The following DPF3 variants were observed in gnomAD, a reference collection of about 807,000 sequenced individuals.
The protein encoded by DPF3 is double PHD fingers 3, also known as zinc finger protein DPF3.
DPF3 carries 18 observed loss-of-function variants against 56.8 expected under a neutral mutation model. That is an observed-to-expected ratio of 0.32 (90% confidence interval 0.22 to 0.47). The LOEUF (loss-of-function observed/expected upper bound fraction) is 0.47, where lower values mean the gene tolerates loss of function less well. DPF3 is among the 20% of genes least tolerant of loss of function. The probability of loss-of-function intolerance (pLI) is 1.00; values close to 1 mark genes in which losing one functional copy is unlikely to be tolerated. For missense variants in DPF3, 403 were observed against 488.8 expected (o/e 0.82, Z 1.65); for synonymous variants, 188 against 180.2 (o/e 1.04, Z -0.35).
chr14:72,839,516 C>T (rs1388349367), intron 1 of DPF3, among the ~76,000 whole-genome samples: 1 of 152,162 alleles, frequency 6.6e-6, no homozygotes, highest in Non-Finnish European at 1.5e-5. Context: ...GACCTAAGCA[C>T]TGACTCCCCG....
intron 1 of DPF3, among the ~76,000 whole-genome samples, chr14:72,795,682 G>C (rs1042994150): frequency 1.3e-5 from 2 of 152,110 alleles, no homozygotes; most frequent in South Asian, 4.1e-4. Flanking sequence ...GGAATCAGAG[G>C]GGCTGTTTGG....
intron 1 of DPF3, among the ~76,000 whole-genome samples, chr14:72,783,851 C>T (rs1250928644): frequency 1.3e-5 from 2 of 152,164 alleles, no homozygotes; most frequent in African/African-American, 4.8e-5. Context: ...GATCCGTGTC[C>T]TCCTGCAGAG....
intron 2 of DPF3, among the ~76,000 whole-genome samples, chr14:72,760,306 A>T (rs1891017572): frequency 6.6e-6 from 1 of 152,180 alleles, no homozygotes; most frequent in Non-Finnish European, 1.5e-5. Context: ...CCCCATCTCG[A>T]CTAAAAATAC....
intron 5 of DPF3, among the ~76,000 whole-genome samples, chr14:72,722,841 G>C (rs1403131944): frequency 6.6e-6 from 1 of 152,108 alleles, no homozygotes; most frequent in Non-Finnish European, 1.5e-5. Context: ...CCAGTCTCTT[G>C]TTTTTATTCC....
At chr14:72,726,989 A>G (rs1371443214) in intron 4 of DPF3, among the ~76,000 whole-genome samples, 2 of 152,194 alleles carry the variant, frequency 1.3e-5, no homozygotes, top group South Asian at 2.1e-4. Context: ...ATGAAATACA[A>G]ATTCACGGCC....
chr14:72,701,556 G>A (rs1372400103), intron 6 of DPF3, among the ~76,000 whole-genome samples: 2 of 152,136 alleles, frequency 1.3e-5, no homozygotes, highest in Non-Finnish European at 2.9e-5. Context: ...GGGGTCGGGG[G>A]GAGCAGGGAG....
At chr14:72,715,285 G>C (rs1888866807) in intron 5 of DPF3, among the ~76,000 whole-genome samples, 1 of 152,202 alleles carries the variant, frequency 6.6e-6, no homozygotes, top group African/African-American at 2.4e-5. Context: ...AAGAATCAAA[G>C]AGCCCAGTCA....
intron 6 of DPF3, among the ~76,000 whole-genome samples, chr14:72,698,538 T>A (rs1289953220): frequency 1.3e-5 from 2 of 151,990 alleles, no homozygotes; most frequent in Non-Finnish European, 2.9e-5. Flanking sequence ...AATACAAAAA[T>A]TAGCCACGTG....
At chr14:72,836,157 G>C in intron 1 of DPF3, 1 of 986,094 alleles carries the variant, frequency 1.0e-6, no homozygotes. Flanking sequence ...TGATCATTGT[G>C]TTCTCAGAAG....
intron 7 of DPF3, among the ~76,000 whole-genome samples, chr14:72,685,664 C>A (rs1314280599): frequency 6.6e-6 from 1 of 152,210 alleles, no homozygotes; most frequent in Non-Finnish European, 1.5e-5. Context: ...GGATACAGCA[C>A]CTGCCTTGCA....
chr14:72,807,742 G>C (rs970270302), intron 1 of DPF3, among the ~76,000 whole-genome samples: 3 of 152,158 alleles, frequency 2.0e-5, no homozygotes, highest in Admixed American at 6.5e-5. Context: ...ACCGCCAAGA[G>C]ACAGGGTTTT....
intron 1 of DPF3, among the ~76,000 whole-genome samples, chr14:72,822,495 A>G (rs1383637961): frequency 6.6e-6 from 1 of 152,246 alleles, no homozygotes; most frequent in Non-Finnish European, 1.5e-5. Flanking sequence ...ATAAAAGGAC[A>G]CATAAATATT....
intron 8 of DPF3, among the ~76,000 whole-genome samples, chr14:72,632,609 AAGG>A (rs1238901432): frequency 6.8e-6 from 1 of 147,876 alleles, no homozygotes; most frequent in Non-Finnish European, 1.5e-5. Context: ...GGAAGGAAGA[AAGG>A]AAGGAAGGAA....
chr14:72,757,345 C>T (rs1198868155), intron 2 of DPF3, among the ~76,000 whole-genome samples: 1 of 152,108 alleles, frequency 6.6e-6, no homozygotes, highest in Non-Finnish European at 1.5e-5. Context: ...CCACTGTCGG[C>T]CAACTCTTAC....
At chr14:72,651,514 A>C (rs1284189222) in intron 8 of DPF3, among the ~76,000 whole-genome samples, 2 of 152,354 alleles carry the variant, frequency 1.3e-5, no homozygotes, top group African/African-American at 4.8e-5. Flanking sequence ...CAATGGAGGC[A>C]AGTCAGGAAG....
chr14:72,770,437 T>C (rs1891474650), intron 2 of DPF3, among the ~76,000 whole-genome samples: 1 of 152,120 alleles, frequency 6.6e-6, no homozygotes, highest in South Asian at 2.1e-4. Context: ...GGGGGAAAAA[T>C]GAATGTTGGC....
At chr14:72,725,980 T>C (rs1430209259) in intron 4 of DPF3, among the ~76,000 whole-genome samples, 1 of 152,182 alleles carries the variant, frequency 6.6e-6, no homozygotes, top group Non-Finnish European at 1.5e-5. Flanking sequence ...CTTAACCATC[T>C]AACAGAGAAG....
At chr14:72,620,938 C>T (rs1313423975) in intron 9 of DPF3, among the ~76,000 whole-genome samples, 3 of 152,146 alleles carry the variant, frequency 2.0e-5, no homozygotes, top group Admixed American at 6.5e-5. Flanking sequence ...GTCTGGAGTT[C>T]GAGACCAGCT....
intron 6 of DPF3, among the ~76,000 whole-genome samples, chr14:72,712,559 C>T (rs1457999056): frequency 6.6e-6 from 1 of 152,080 alleles, no homozygotes; most frequent in Non-Finnish European, 1.5e-5. Flanking sequence ...CAATTACATA[C>T]GAAGATAAAG....
Sources: gnomAD v4.1 joint callset for allele counts (sites outside exome capture counted in the v4.1 genomes callset) on GRCh38, gnomAD v4.1.1 for gene constraint, MANE v1.5 for transcripts, NCBI Gene and HGNC (gene_info 2026-07-23, HGNC 2026-07-21) for gene names.